Variants in PRR16 observed in about 807,000 individuals in gnomAD.
PRR16 encodes the protein protein Largen.
PRR16 carries 6 observed loss-of-function variants against 18.2 expected under a neutral mutation model. The ratio of observed to expected loss-of-function variants is 0.33; its 90% CI spans 0.18 to 0.65. The LOEUF is 0.65. Ranked by LOEUF, PRR16 falls within the 30% of genes least tolerant of loss-of-function variation. PRR16 has a pLI of 0.74. For missense variants in PRR16, 412 were observed against 376.6 expected (o/e 1.09, Z -0.78); for synonymous variants, 151 against 147.8 (o/e 1.02, Z -0.16).
chr5:120,733,730 C>G, the PRR16 span, among the ~76,000 whole-genome samples: 1 of 152,006 alleles, frequency 6.6e-6, no homozygotes, highest in Non-Finnish European at 1.5e-5. Context: ...GATTACCTAG[C>G]CTTTCCACAG....
intron 1 of PRR16, among the ~76,000 whole-genome samples, chr5:120,594,501 G>A (rs1044914008): frequency 2.0e-5 from 3 of 152,232 alleles, no homozygotes; most frequent in Non-Finnish European, 4.4e-5. Flanking sequence ...TGGATAGGAA[G>A]AACAAATATT....
In PRR16 at chr5:120,494,937, A is replaced by G. The variant is rs534513225; in HGVS notation, c.159+30292A>G. Among the ~76,000 whole-genome samples the G allele has an allele frequency of 1.5e-4, 23 of 152,048 alleles. No individual in the cohort carries two copies. In the South Asian group the frequency reaches 4.8e-3, roughly 32 times the overall value. ...TATTTATGGATCTGTATTCTGTTCC[A>G]TTGTTCTGTGTGTCTGTCCTTCTGC... is the stretch of plus-strand genomic sequence containing the variant. On this transcript the variant is annotated intron_variant, in intron 1 of 1. Coordinates refer to ENST00000407149, the MANE Select transcript of PRR16 (RefSeq NM_001300783.2).
chr5:120,725,450 G>A, the PRR16 span, among the ~76,000 whole-genome samples: 2 of 151,864 alleles, frequency 1.3e-5, no homozygotes, highest in Non-Finnish European at 1.5e-5. Context: ...AAGGCCAGGA[G>A]TTTGAGACCA....
At chr5:120,743,147 C>T in the PRR16 span, among the ~76,000 whole-genome samples, 1 of 152,154 alleles carries the variant, frequency 6.6e-6, no homozygotes, top group Non-Finnish European at 1.5e-5. Context: ...TTCCAACTCC[C>T]ACACTCTTTT....
At chr5:120,465,259 G>A (rs1250900923) in intron 1 of PRR16, among the ~76,000 whole-genome samples, 1 of 152,208 alleles carries the variant, frequency 6.6e-6, no homozygotes, top group African/African-American at 2.4e-5. Context: ...AGTTTCTGAA[G>A]CATCCCCTGC....
At chr5:120,529,433 G>A (rs1433243122) in intron 1 of PRR16, among the ~76,000 whole-genome samples, 2 of 152,048 alleles carry the variant, frequency 1.3e-5, no homozygotes, top group Non-Finnish European at 2.9e-5. Context: ...TTTATGCTGT[G>A]TCTTTATTTT....
chr5:120,670,635 A>G (rs1001689590), intron 1 of PRR16, among the ~76,000 whole-genome samples: 5 of 152,122 alleles, frequency 3.3e-5, no homozygotes, highest in Admixed American at 6.6e-5. Context: ...TCCATTAAGA[A>G]TGCTAGAACT....
Position 120,686,612 on chromosome 5 carries a change from A to G in PRR16, c.818A>G (p.Asn273Ser). 9.9e-6 allele frequency: 16 copies of G among 1,612,972 alleles called. No homozygotes were observed. Among genetic ancestry groups the G allele is most frequent in the Non-Finnish European group, 1.4e-5 (16 of 1,179,340 alleles). ...GGGGGAATGGGAATAAGCCACAGTA[A>G]CAGCTTCCCCCCTATCAGACCTGCA... ...ENGGMGISHS[N>S]SFPPIRPATV... The change falls in exon 2 of 2, where the codon AAC becomes AGC. Residue 273 changes from asparagine to serine, a missense_variant. Transcript: ENST00000407149.
chr5:120,587,605 G>A (rs1214777297), intron 1 of PRR16, among the ~76,000 whole-genome samples: 1 of 152,148 alleles, frequency 6.6e-6, no homozygotes, highest in Non-Finnish European at 1.5e-5. Context: ...TTTACAGCAC[G>A]ATAAACTGCA....
At chr5:120,676,693 G>A (rs893606778) in intron 1 of PRR16, among the ~76,000 whole-genome samples, 2 of 152,046 alleles carry the variant, frequency 1.3e-5, no homozygotes, top group Non-Finnish European at 2.9e-5. Flanking sequence ...TAAGAACAAT[G>A]TGGAAATATG....
the PRR16 span, among the ~76,000 whole-genome samples, chr5:120,748,041 G>A: frequency 6.6e-6 from 1 of 152,006 alleles, no homozygotes; most frequent in African/African-American, 2.4e-5. Flanking sequence ...ATTTAAAAAT[G>A]TGAATGATCC....
intron 1 of PRR16, among the ~76,000 whole-genome samples, chr5:120,666,088 G>C (rs1239848143): frequency 6.6e-6 from 1 of 152,162 alleles, no homozygotes; most frequent in Non-Finnish European, 1.5e-5. Context: ...TCCTACCCAT[G>C]AGCATGGAAT....
At chr5:120,646,381 A>T (rs1755603245) in intron 1 of PRR16, among the ~76,000 whole-genome samples, 1 of 151,900 alleles carries the variant, frequency 6.6e-6, no homozygotes, top group South Asian at 2.1e-4. Context: ...AGAGTGAGTG[A>T]ATGGTTTTGG....
At chr5:120,766,977 T>C in the PRR16 span, among the ~76,000 whole-genome samples, 1 of 151,904 alleles carries the variant, frequency 6.6e-6, no homozygotes. Flanking sequence ...ATTTCAGAAA[T>C]TGGAATACTA....
rs116019814 is a variant in PRR16 at position 120,631,511 on chromosome 5, G to T, written c.160-54443G>T. On this transcript the variant is annotated intron_variant, in intron 1 of 1. Transcript: ENST00000407149. ...TTATGGGGGCACAATGGGACTGGAT[G>T]TTAGGACTGCCAGCTGCATGGGATT... Among the ~76,000 whole-genome samples, 793 of 152,252 alleles carry T rather than the reference G, an allele frequency of 5.2e-3. 10 individuals carry two copies. The highest frequency in any genetic ancestry group is 0.017 in the African/African-American group (723 of 41,552).
chr5:120,607,102 G>A (rs1754179299), intron 1 of PRR16, among the ~76,000 whole-genome samples: 1 of 151,736 alleles, frequency 6.6e-6, no homozygotes, highest in Non-Finnish European at 1.5e-5. Context: ...ATTTTTTTTT[G>A]TAATCGCCTC....
intron 1 of PRR16, among the ~76,000 whole-genome samples, chr5:120,586,659 A>G (rs1292113739): frequency 6.6e-6 from 1 of 152,122 alleles, no homozygotes; most frequent in Non-Finnish European, 1.5e-5. Context: ...AAGACTTCCA[A>G]CTAATTGAGA....
the PRR16 span, among the ~76,000 whole-genome samples, chr5:120,740,086 G>A: frequency 6.6e-6 from 1 of 152,042 alleles, no homozygotes; most frequent in East Asian, 1.9e-4. Flanking sequence ...CACACTAATG[G>A]GACAATGATT....
chr5:120,534,439 G>A (rs1171889831), intron 1 of PRR16, among the ~76,000 whole-genome samples: 1 of 152,052 alleles, frequency 6.6e-6, no homozygotes, highest in Non-Finnish European at 1.5e-5. Context: ...TAATAGAAAT[G>A]CTCATGTTAG....
Sources: gnomAD v4.1 joint callset for allele counts (sites outside exome capture counted in the v4.1 genomes callset) on GRCh38, gnomAD v4.1.1 for gene constraint, MANE v1.5 for transcripts, NCBI Gene and HGNC (gene_info 2026-07-23, HGNC 2026-07-21) for gene names.